DBT: variants seen among roughly 807,000 people sequenced by gnomAD.
DBT encodes the protein lipoamide acyltransferase component of branched-chain alpha-keto acid dehydrogenase complex, mitochondrial.
DBT carries 40 observed loss-of-function variants against 51.3 expected under a neutral mutation model. The ratio of observed to expected loss-of-function variants is 0.78; its 90% CI spans 0.61 to 1.02. The LOEUF (loss-of-function observed/expected upper bound fraction) is 1.02, where lower values mean the gene tolerates loss of function less well. Ranked by LOEUF, DBT falls within the 50% of genes least tolerant of loss-of-function variation. The pLI is 0.00. For missense variants in DBT, 510 were observed against 580.2 expected (o/e 0.88, Z 1.24); for synonymous variants, 181 against 190.4 (o/e 0.95, Z 0.41).
At chr1:100,244,671 C>T (rs914923692) in intron 1 of DBT, among the ~76,000 whole-genome samples, 1 of 151,912 alleles carries the variant, frequency 6.6e-6, no homozygotes, top group African/African-American at 2.4e-5. Context: ...ATATACATAC[C>T]TATGATAAAG....
rs1211322086 is a variant in DBT at position 100,193,783 on chromosome 1, A to G, written c.*2472T>C. 1.3e-5 allele frequency: 2 copies of G among 152,014 alleles called. No individual in the cohort carries two copies. Among genetic ancestry groups the G allele is most frequent in the East Asian group, 3.9e-4 (2 of 5,178 alleles). The allele number at this position is 152,014 out of a possible 1,614,324, so 9.4% of individuals were successfully genotyped here. A position where few individuals can be genotyped will look rare whatever the true frequency, so the allele number is the denominator to read the frequency against. On this transcript the variant is annotated 3_prime_UTR_variant, in exon 11 of 11. Coordinates refer to ENST00000370132, the MANE Select transcript of DBT (RefSeq NM_001918.5). ...GTGCCTGGCTGATTTTTGTATTTTC[A>G]ATAGAGATGAGGTTTCACCATATTG...
chr1:100,204,064 C>T (rs1661610246), intron 10 of DBT, among the ~76,000 whole-genome samples: 1 of 152,200 alleles, frequency 6.6e-6, no homozygotes, highest in Non-Finnish European at 1.5e-5. Flanking sequence ...CCCTCTCTCT[C>T]ACCACTCCTA....
At chr1:100,219,012 A>G (rs1013670769) in intron 4 of DBT, among the ~76,000 whole-genome samples, 3 of 152,042 alleles carry the variant, frequency 2.0e-5, no homozygotes. Context: ...TTGAAATAAT[A>G]TAGCAGCTAC....
intron 1 of DBT, among the ~76,000 whole-genome samples, chr1:100,243,630 C>T (rs1038541020): frequency 2.0e-5 from 3 of 152,052 alleles, no homozygotes; most frequent in Non-Finnish European, 2.9e-5. Context: ...GCCCAGACAT[C>T]ATCTTTACAT....
At chr1:100,225,052 TAC>T (rs71084808) in intron 4 of DBT, among the ~76,000 whole-genome samples, 3,685 of 78,960 alleles carry the variant, frequency 0.047, 340 homozygotes, top group African/African-American at 0.077. Flanking sequence ...AATATATATA[TAC>T]ACACACACAC....
In DBT at chr1:100,230,828, C is replaced by G. The variant is rs372328685; in HGVS notation, c.338G>C (p.Arg113Pro). 1.3e-6 allele frequency: 2 copies of G among 1,599,156 alleles called. No individual in the cohort carries two copies. The highest frequency in any genetic ancestry group is 2.7e-5 in the African/African-American group (2 of 74,602). Residue 113 changes from arginine (R) to proline (P), a missense_variant, in exon 4 of 11, where the codon CGT becomes CCT. By Grantham distance (103) the Arg-to-Pro change is moderately radical (BLOSUM62 -2). Coordinates refer to ENST00000370132, the MANE Select transcript of DBT (RefSeq NM_001918.5). Reference sequence around the variant, plus strand: ...GAGTTTTTTAATGACTCCATCATAACGACTAGTGATGGTAACAGAAGCTTT... The same window carrying G: ...GAGTTTTTTAATGACTCCATCATAAGGACTAGTGATGGTAACAGAAGCTTT... Reference protein sequence around the residue: ...SDKASVTITSRYDGVIKKLYY... With the variant: ...SDKASVTITSPYDGVIKKLYY...
At chr1:100,229,445 C>A (rs148847506) in intron 4 of DBT, among the ~76,000 whole-genome samples, 139 of 152,256 alleles carry the variant, frequency 9.1e-4, no homozygotes, top group Non-Finnish European at 1.6e-3. Context: ...AGATTACAGG[C>A]GTGAGCCACT....
intron 2 of DBT, among the ~76,000 whole-genome samples, chr1:100,240,537 AT>A (rs895068124): frequency 4.6e-5 from 7 of 152,150 alleles, no homozygotes; most frequent in African/African-American, 1.4e-4. Context: ...CTAAAAAAAA[AT>A]TTTTTTTAAA....
At chr1:100,226,446 G>A (rs980774647) in intron 4 of DBT, among the ~76,000 whole-genome samples, 2 of 151,736 alleles carry the variant, frequency 1.3e-5, no homozygotes, top group Admixed American at 6.6e-5. Context: ...ACCACACCTG[G>A]CTATTTTTTT....
In DBT at chr1:100,195,191, T is replaced by A. The variant is rs1340741927; in HGVS notation, c.*1064A>T. 1 of 152,440 alleles carries A rather than the reference T, an allele frequency of 6.6e-6. No homozygotes were observed. Among genetic ancestry groups the A allele is most frequent in the Non-Finnish European group, 1.5e-5 (1 of 67,998 alleles). The allele number at this position is 152,440 out of a possible 1,614,324, so 9.4% of individuals were successfully genotyped here. A position where few individuals can be genotyped will look rare whatever the true frequency, so the allele number is the denominator to read the frequency against. On this transcript the variant is annotated 3_prime_UTR_variant, in exon 11 of 11. Coordinates refer to ENST00000370132, the MANE Select transcript of DBT (RefSeq NM_001918.5). ...GTTAAAAGGAAGTAGACTTCTCAAA[T>A]TTTTTTTAAAAAAAGAAATGTCAGT...
intron 7 of DBT, among the ~76,000 whole-genome samples, chr1:100,212,749 A>T (rs1427798782): frequency 6.6e-6 from 1 of 152,186 alleles, no homozygotes; most frequent in African/African-American, 2.4e-5. Context: ...TGGGATTTGC[A>T]GGTGTTTGAT....
chr1:100,189,246 A>G lies in DBT; in HGVS notation c.*7009T>C, dbSNP rs2101813172. 1 of 152,142 alleles carries G rather than the reference A, an allele frequency of 6.6e-6. No individual in the cohort carries two copies. Among genetic ancestry groups the G allele is most frequent in the African/African-American group, 2.4e-5 (1 of 41,488 alleles). The allele number at this position is 152,142 out of a possible 1,614,324, so 9.4% of individuals were successfully genotyped here. ...ATCTCAGCTACTTGGGAGTTGAGGA[A>G]TGAGCACTGTTTGAACCCAGGAGAC... On this transcript the variant is annotated 3_prime_UTR_variant, in exon 11 of 11. Transcript: ENST00000370132.
chr1:100,243,483 CT>C (rs1320954065), intron 1 of DBT, among the ~76,000 whole-genome samples: 1 of 151,662 alleles, frequency 6.6e-6, no homozygotes, highest in Non-Finnish European at 1.5e-5. Context: ...TCCAGCTAAA[CT>C]TTTTTTGTGT....
chr1:100,229,053 T>G (rs1053543743), intron 4 of DBT, among the ~76,000 whole-genome samples: 1 of 152,224 alleles, frequency 6.6e-6, no homozygotes, highest in Non-Finnish European at 1.5e-5. Context: ...ATAAATCACC[T>G]TCTAGCTTTT....
At chr1:100,203,121 G>T (rs1661553606) in intron 10 of DBT, among the ~76,000 whole-genome samples, 1 of 152,012 alleles carries the variant, frequency 6.6e-6, no homozygotes, top group Non-Finnish European at 1.5e-5. Context: ...AGGAGACAGA[G>T]ACACAAAAAA....
At chr1:100,229,591 A>G (rs2100824882) in intron 4 of DBT, among the ~76,000 whole-genome samples, 1 of 152,316 alleles carries the variant, frequency 6.6e-6, no homozygotes, top group Middle Eastern at 3.4e-3. Context: ...TTGTAATATT[A>G]GTTATTGTTC....
chr1:100,245,027 G>C (rs1029746286), intron 1 of DBT, among the ~76,000 whole-genome samples: 3 of 152,098 alleles, frequency 2.0e-5, no homozygotes, highest in African/African-American at 7.2e-5. Context: ...TAAAAACACT[G>C]TGAAGTTGCT....
chr1:100,245,858 A>C (rs1664500885), intron 1 of DBT, among the ~76,000 whole-genome samples: 3 of 152,254 alleles, frequency 2.0e-5, no homozygotes, highest in South Asian at 4.1e-4. Flanking sequence ...AGGCTGAGGA[A>C]GGAGGACCAC....
intron 7 of DBT, chr1:100,213,541 CG>C (rs890106034): frequency 2.6e-6 from 4 of 1,561,450 alleles, no homozygotes; most frequent in Admixed American, 1.7e-5. Context: ...TCTGCAGGGT[CG>C]GGGGGCTGCA....
Sources: gnomAD v4.1 joint callset for allele counts (sites outside exome capture counted in the v4.1 genomes callset) on GRCh38, gnomAD v4.1.1 for gene constraint, MANE v1.5 for transcripts, NCBI Gene and HGNC (gene_info 2026-07-23, HGNC 2026-07-21) for gene names.